Variants in MYO16 observed in about 807,000 individuals in gnomAD.
MYO16 encodes the protein myosin XVI, also known as unconventional myosin-XVI.
MYO16 carries 94 observed loss-of-function variants against 205.3 expected under a neutral mutation model. The observed-to-expected ratio is 0.46, with a 90% CI of 0.39 to 0.54. The LOEUF (loss-of-function observed/expected upper bound fraction) is 0.54, where lower values mean the gene tolerates loss of function less well. Among genes scored for constraint, MYO16 ranks in the 20% least tolerant of loss-of-function variants. The probability of loss-of-function intolerance (pLI) is 0.00; values close to 1 mark genes in which losing one functional copy is unlikely to be tolerated. For synonymous variants in MYO16, 988 were observed against 954.0 expected (o/e 1.04, Z -0.66); for missense variants, 2,315 against 2,387.5 (o/e 0.97, Z 0.63).
chr13:109,131,753 C>T (rs1876553259), intron 31 of MYO16, among the ~76,000 whole-genome samples: 1 of 152,212 alleles, frequency 6.6e-6, no homozygotes, highest in South Asian at 2.1e-4. Flanking sequence ...TTCACTTCCT[C>T]TTGGCTGGGG....
At chr13:109,199,198 AT>A (rs1566560126) in intron 34 of MYO16, among the ~76,000 whole-genome samples, 5 of 21,738 alleles carry the variant, frequency 2.3e-4, no homozygotes, top group Non-Finnish European at 4.4e-4. Context: ...AAAGGTATAT[AT>A]ATATATATAT....
chr13:109,078,678 A>T (rs1457818319), intron 27 of MYO16, among the ~76,000 whole-genome samples: 3 of 152,114 alleles, frequency 2.0e-5, no homozygotes, highest in African/African-American at 4.8e-5. Context: ...TTGATTTGGG[A>T]TACAAGTAAG....
chr13:108,522,974 T>A, the MYO16 span, among the ~76,000 whole-genome samples: 1 of 152,168 alleles, frequency 6.6e-6, no homozygotes. Flanking sequence ...GGCACACACT[T>A]CAATCCATAA....
At chr13:108,881,085 C>T (rs144791706) in intron 12 of MYO16, among the ~76,000 whole-genome samples, 20 of 152,230 alleles carry the variant, frequency 1.3e-4, no homozygotes, top group South Asian at 2.1e-4. Context: ...CCCTCTGAGA[C>T]GAAGCTTCCA....
chr13:108,836,177 C>T (rs927049792), intron 9 of MYO16, among the ~76,000 whole-genome samples: 4 of 152,206 alleles, frequency 2.6e-5, no homozygotes, highest in Non-Finnish European at 4.4e-5. Context: ...ACCCCAGCAA[C>T]TTCAGCCTCA....
the MYO16 span, among the ~76,000 whole-genome samples, chr13:108,563,624 A>G: frequency 6.6e-5 from 10 of 152,180 alleles, no homozygotes; most frequent in African/African-American, 1.7e-4. Context: ...ATTTCACTTA[A>G]CATAATGATC....
chr13:108,542,652 C>T, the MYO16 span, among the ~76,000 whole-genome samples: 23 of 151,982 alleles, frequency 1.5e-4, no homozygotes, highest in African/African-American at 5.6e-4. Flanking sequence ...AATTCACTGG[C>T]ATTTATATAA....
chr13:108,664,936 A>C (rs148910715), intron 1 of MYO16, among the ~76,000 whole-genome samples: 30 of 152,320 alleles, frequency 2.0e-4, no homozygotes, highest in African/African-American at 6.7e-4. Context: ...TAGCAGCCAA[A>C]ATTCTCTCCA....
At chr13:108,717,491 G>A (rs1406696437) in intron 3 of MYO16, among the ~76,000 whole-genome samples, 3 of 151,826 alleles carry the variant, frequency 2.0e-5, no homozygotes, top group Non-Finnish European at 2.9e-5. Context: ...TTAGCCGGGC[G>A]TGGTGGTGGG....
At chr13:108,839,421 T>C (rs1877115297) in intron 9 of MYO16, among the ~76,000 whole-genome samples, 1 of 151,426 alleles carries the variant, frequency 6.6e-6, no homozygotes, top group South Asian at 2.1e-4. Flanking sequence ...TTCATAGTAA[T>C]TTTTTTTTCA....
At chr13:108,595,588 C>A (rs1246329677), upstream of MYO16, among the ~76,000 whole-genome samples, 1 of 152,148 alleles carries the variant, frequency 6.6e-6, no homozygotes, top group Non-Finnish European at 1.5e-5. Flanking sequence ...GCTCAAGTCC[C>A]TCTTGGCTCT....
intron 2 of MYO16, among the ~76,000 whole-genome samples, chr13:108,699,147 A>C (rs1459720763): frequency 6.7e-6 from 1 of 148,596 alleles, no homozygotes; most frequent in Non-Finnish European, 1.5e-5. Context: ...TAGTTATTAC[A>C]TATATGCATA....
intron 3 of MYO16, among the ~76,000 whole-genome samples, chr13:108,723,577 ACATT>A (rs1884239215): frequency 6.6e-6 from 1 of 152,176 alleles, no homozygotes; most frequent in Admixed American, 6.5e-5. Flanking sequence ...GACTGAAAGA[ACATT>A]CTTTCTTCAC....
chr13:109,171,883 T>C (rs115797921), intron 33 of MYO16, among the ~76,000 whole-genome samples: 1,771 of 152,354 alleles, frequency 0.012, 37 homozygotes, highest in African/African-American at 0.04. Context: ...TCATTCTGTA[T>C]ACGTTGTCTA....
Position 108,962,490 on chromosome 13 carries a change from TTA to T in MYO16, c.2223_2224del (p.Phe741LeufsTer15). The T allele has an allele frequency of 6.4e-7, 1 of 1,574,392 alleles. No individual in the cohort carries two copies. The highest frequency in any genetic ancestry group is 8.6e-7 in the Non-Finnish European group (1 of 1,163,498). ...GCCTTAACAACTGATATTCAATATT[TTA>T]AAGGTAATTTTTTTATGCTCTAACA... On this transcript the variant is annotated frameshift_variant, in exon 19 of 35. Transcript: ENST00000457511. LOFTEE classifies it high-confidence loss of function.
At chr13:108,719,153 G>C (rs1884063595) in intron 3 of MYO16, among the ~76,000 whole-genome samples, 1 of 152,098 alleles carries the variant, frequency 6.6e-6, no homozygotes, top group Admixed American at 6.5e-5. Context: ...TTTCCTGACA[G>C]GGTGAAGGCA....
chr13:108,804,443 C>T (rs1042313101), intron 6 of MYO16, among the ~76,000 whole-genome samples: 10 of 152,162 alleles, frequency 6.6e-5, no homozygotes, highest in African/African-American at 2.4e-4. Flanking sequence ...CACCTGATAT[C>T]CTCTAGTCAT....
At chr13:109,034,181 C>T (rs185466360) in intron 23 of MYO16, among the ~76,000 whole-genome samples, 2 of 152,204 alleles carry the variant, frequency 1.3e-5, no homozygotes, top group African/African-American at 2.4e-5. Context: ...GGCTGGCTAC[C>T]CTTGGAAAAA....
intron 2 of MYO16, among the ~76,000 whole-genome samples, chr13:108,687,827 G>C (rs560632904): frequency 6.6e-6 from 1 of 152,150 alleles, no homozygotes; most frequent in Non-Finnish European, 1.5e-5. Flanking sequence ...TCTAAAACGA[G>C]GGAGGCAGAA....
Sources: gnomAD v4.1 joint callset for allele counts (sites outside exome capture counted in the v4.1 genomes callset) on GRCh38, gnomAD v4.1.1 for gene constraint, MANE v1.5 for transcripts, NCBI Gene and HGNC (gene_info 2026-07-23, HGNC 2026-07-21) for gene names.